BMP7: variants seen among roughly 807,000 people sequenced by gnomAD.
The protein encoded by BMP7 is osteogenic protein 1.
Under a neutral mutation model 41.2 loss-of-function variants are expected in BMP7, and 12 were observed. That is an observed-to-expected ratio of 0.29 (90% CI 0.19 to 0.47). BMP7 has a LOEUF of 0.47. BMP7 is among the 20% of genes least tolerant of loss of function. BMP7 has a pLI of 0.99. For synonymous variants in BMP7, 248 were observed against 250.0 expected (o/e 0.99, Z 0.07); for missense variants, 467 against 606.0 (o/e 0.77, Z 2.41).
intron 3 of BMP7, among the ~76,000 whole-genome samples, chr20:57,193,440 G>A (rs1233700944): frequency 1.3e-5 from 2 of 152,152 alleles, no homozygotes; most frequent in Non-Finnish European, 2.9e-5. Flanking sequence ...TAGTGCCAAG[G>A]CTGGGAAACT....
rs964544475 is a variant in BMP7, at chr20:57,169,397, T to G, written c.*1562A>C. ...GGCCGGAGGCTGAGTGCATACTATT[T>G]ATGGGACTCACCAGCCAAGGCAAGG... On this transcript the variant is annotated 3_prime_UTR_variant, in exon 7 of 7. Transcript: ENST00000395863. 1.3e-5 allele frequency: 2 copies of G among 152,228 alleles called. No homozygotes were observed. The highest frequency in any genetic ancestry group is 4.8e-5 in the African/African-American group (2 of 41,448). 9.4% of individuals were successfully genotyped at this position (152,228 alleles called of 1,614,324 possible). A position where few individuals can be genotyped will look rare whatever the true frequency, so the allele number is the denominator to read the frequency against.
intron 2 of BMP7, chr20:57,225,707 A>AT: frequency 3.9e-6 from 1 of 259,316 alleles, no homozygotes; most frequent in South Asian, 4.4e-5. Context: ...TAAATAATAT[A>AT]TTTTTTAAAT....
At chr20:57,216,489 C>CGCTGTCTCCTGAGGGTGAGGGG (rs1985022188) in intron 2 of BMP7, among the ~76,000 whole-genome samples, 2 of 133,694 alleles carry the variant, frequency 1.5e-5, no homozygotes, top group East Asian at 4.0e-4. Context: ...AGGACGAGGG[C>CGCTGTCTCCTGAGGGTGAGGGG]GCTGTCTCCT....
At chr20:57,235,683 G>C (rs191282626) in intron 1 of BMP7, among the ~76,000 whole-genome samples, 2 of 152,162 alleles carry the variant, frequency 1.3e-5, no homozygotes, top group Admixed American at 6.5e-5. Context: ...TCGAGGGCTC[G>C]ACAGACAAGA....
chr20:57,183,597 C>T lies in BMP7; in HGVS notation c.958+125G>A. ...GGTGGATTTGGGGGTTTTCTTCCTG[C>T]TATATTTGTTCCAGAGCCATCTGGT... On this transcript the variant is annotated intron_variant, in intron 4 of 6. Coordinates refer to ENST00000395863, the MANE Select transcript of BMP7 (RefSeq NM_001719.3). 2.4e-6 allele frequency: 3 copies of T among 1,251,908 alleles called. No individual in the cohort carries two copies. The South Asian group carries it at 3.7e-5, about 16-fold the overall frequency. 77.5% of individuals were successfully genotyped at this position (1,251,908 alleles called of 1,614,324 possible). A position where few individuals can be genotyped will look rare whatever the true frequency, so the allele number is the denominator to read the frequency against.
At chr20:57,179,598 C>A (rs956092491) in intron 4 of BMP7, among the ~76,000 whole-genome samples, 5 of 152,196 alleles carry the variant, frequency 3.3e-5, no homozygotes, top group Non-Finnish European at 5.9e-5. Context: ...GTGCCCCCGC[C>A]CCAGCACACA....
At chr20:57,222,293 A>AT (rs1401349478) in intron 2 of BMP7, among the ~76,000 whole-genome samples, 1 of 151,604 alleles carries the variant, frequency 6.6e-6, no homozygotes, top group Non-Finnish European at 1.5e-5. Context: ...AGGGACAGAG[A>AT]TAAAAAAAAG....
intron 3 of BMP7, among the ~76,000 whole-genome samples, chr20:57,190,112 A>G (rs8182768): frequency 0.51 from 77,837 of 151,366 alleles, 20,183 homozygotes; most frequent in Middle Eastern, 0.59. Context: ...GGAACCAGAG[A>G]GGTTGAGACT....
intron 1 of BMP7, among the ~76,000 whole-genome samples, chr20:57,251,578 A>G (rs949965609): frequency 6.6e-6 from 1 of 151,992 alleles, no homozygotes; most frequent in Non-Finnish European, 1.5e-5. Flanking sequence ...GTGAACATGG[A>G]GGGGGGGCAG....
intron 3 of BMP7, among the ~76,000 whole-genome samples, chr20:57,201,164 C>CCTA (rs1984610055): frequency 2.6e-5 from 4 of 152,304 alleles, no homozygotes; most frequent in Admixed American, 1.3e-4. Flanking sequence ...CTGGGAAAAT[C>CCTA]CTACGTACAT....
intron 1 of BMP7, among the ~76,000 whole-genome samples, chr20:57,233,278 T>C (rs543682072): frequency 6.6e-6 from 1 of 152,146 alleles, no homozygotes; most frequent in East Asian, 1.9e-4. Context: ...TGAGAGAGCT[T>C]ACAGGCATTA....
intron 1 of BMP7, among the ~76,000 whole-genome samples, chr20:57,248,619 G>A (rs2052338716): frequency 6.6e-6 from 1 of 152,158 alleles, no homozygotes; most frequent in African/African-American, 2.4e-5. Context: ...GGTGGTAGGG[G>A]GAGGTGGGAA....
chr20:57,216,572 A>AGGGCGAG (rs1985034074), intron 2 of BMP7, among the ~76,000 whole-genome samples: 1 of 127,636 alleles, frequency 7.8e-6, no homozygotes, highest in Non-Finnish European at 1.6e-5. Flanking sequence ...CCTGAGGGTG[A>AGGGCGAG]GGGGCTGTCT....
At position 57,171,182 on chromosome 20, in the gene BMP7, A is replaced by T; in HGVS notation, c.1147-74T>A. The T allele has an allele frequency of 6.3e-7, 1 of 1,592,988 alleles. No homozygotes were observed. The highest frequency in any genetic ancestry group is 8.6e-7 in the Non-Finnish European group (1 of 1,162,556). On this transcript the variant is annotated intron_variant, in intron 6 of 6. Coordinates refer to ENST00000395863, the MANE Select transcript of BMP7 (RefSeq NM_001719.3). This position sits in a 1 kb window ranked among gnomAD's most constrained non-coding sequence, Gnocchi z 4.5. ...TCTAACTGGCCTCCACGTTTCTATAAAGAAACATCCTGTCTGGGCATAATG... is the reference window on the plus strand; with the variant it reads ...TCTAACTGGCCTCCACGTTTCTATATAGAAACATCCTGTCTGGGCATAATG...
intron 4 of BMP7, among the ~76,000 whole-genome samples, chr20:57,179,141 T>G (rs924409869): frequency 6.6e-6 from 1 of 152,172 alleles, no homozygotes; most frequent in Non-Finnish European, 1.5e-5. Context: ...CTTCCAGGGC[T>G]CTTTGATCAC....
In BMP7 at chr20:57,228,646, T is replaced by C. The variant is rs142233405; in HGVS notation, c.419-225A>G. On this transcript the variant is annotated intron_variant, in intron 1 of 6. Coordinates refer to ENST00000395863, the MANE Select transcript of BMP7 (RefSeq NM_001719.3). The surrounding 1 kb of genome is among the most constrained non-coding windows in gnomAD (Gnocchi z 4.5). ...TCATCCTGAACGACAAGAGCATGAT[T>C]CTGCATCCAACCTGCTGGGAAAAGT... is the stretch of plus-strand genomic sequence containing the variant. Among the ~76,000 whole-genome samples, 376 of 152,288 alleles carry C rather than the reference T, an allele frequency of 2.5e-3. 1 individual carries two copies. The highest frequency in any genetic ancestry group is 8.5e-3 in the African/African-American group (355 of 41,570).
At chr20:57,210,436 G>GT (rs1984852165) in intron 2 of BMP7, among the ~76,000 whole-genome samples, 1 of 152,240 alleles carries the variant, frequency 6.6e-6, no homozygotes, top group African/African-American at 2.4e-5. Flanking sequence ...AAGGCAGGAA[G>GT]TCCTTTTTTT....
chr20:57,205,443 T>C (rs1203931713), intron 2 of BMP7, among the ~76,000 whole-genome samples: 2 of 152,198 alleles, frequency 1.3e-5, no homozygotes, highest in Admixed American at 1.3e-4. Context: ...CTGGATGACT[T>C]TCCTGGCTTT....
rs1568701033 is a variant in BMP7, at chr20:57,171,529, G to C, written c.1147-421C>G. Among the ~76,000 whole-genome samples the C allele has an allele frequency of 6.6e-6, 1 of 152,182 alleles. No individual in the cohort carries two copies. The highest frequency in any genetic ancestry group is 1.5e-5 in the Non-Finnish European group (1 of 68,040). ...GGGACACATAGACTCAAATGCCTATGAGTGCCACGTGAGTGCCACTGATAA... is the reference window on the plus strand; with the variant it reads ...GGGACACATAGACTCAAATGCCTATCAGTGCCACGTGAGTGCCACTGATAA... On this transcript the variant is annotated intron_variant, in intron 6 of 6. Transcript: ENST00000395863. The surrounding 1 kb of genome is among the most constrained non-coding windows in gnomAD (Gnocchi z 4.5).
Sources: allele counts gnomAD v4.1 joint callset (sites outside exome capture counted in the v4.1 genomes callset), GRCh38; gene constraint gnomAD v4.1.1; non-coding constraint Gnocchi (gnomAD v3.1); transcripts MANE v1.5; gene names NCBI Gene and HGNC (gene_info 2026-07-23, HGNC 2026-07-21).